Variants in FSTL5 observed in about 807,000 individuals in gnomAD.
FSTL5 encodes the protein follistatin-related protein 5.
A neutral mutation model predicts 89.1 loss-of-function variants in FSTL5; 62 were observed. The ratio of observed to expected loss-of-function variants is 0.70; its 90% CI spans 0.57 to 0.86. The LOEUF is 0.86. FSTL5 is among the 40% of genes least tolerant of loss of function. The pLI, the probability that FSTL5 is intolerant of heterozygous loss-of-function variation, is 0.00. For missense variants in FSTL5, 1,057 were observed against 1,001.6 expected, an observed-to-expected ratio of 1.06 and a Z score of -0.75; for synonymous variants, 383 against 346.2, an observed-to-expected ratio of 1.11 and a Z score of -1.18.
chr4:161,712,513 G>A (rs920011606), intron 6 of FSTL5, among the ~76,000 whole-genome samples: 1 of 152,204 alleles, frequency 6.6e-6, no homozygotes, highest in Admixed American at 6.5e-5. Flanking sequence ...GGGTTTAAAT[G>A]ACAAAATCAG....
chr4:161,625,705 G>T (rs1735293847), intron 7 of FSTL5, among the ~76,000 whole-genome samples: 1 of 152,044 alleles, frequency 6.6e-6, no homozygotes, highest in African/African-American at 2.4e-5. Context: ...AAGTGGGAGA[G>T]GCATGTTGAA....
At chr4:161,488,616 T>C (rs1390599542) in intron 12 of FSTL5, among the ~76,000 whole-genome samples, 1 of 152,088 alleles carries the variant, frequency 6.6e-6, no homozygotes, top group Non-Finnish European at 1.5e-5. Context: ...GTTAACTCAT[T>C]GGTAAATTGG....
chr4:162,139,295 T>C (rs1263250046), intron 1 of FSTL5, among the ~76,000 whole-genome samples: 1 of 152,110 alleles, frequency 6.6e-6, no homozygotes, highest in Non-Finnish European at 1.5e-5. Context: ...TATGGCCACA[T>C]ATACCTTAAT....
intron 4 of FSTL5, among the ~76,000 whole-genome samples, chr4:161,818,630 C>T (rs1560863166): frequency 6.6e-6 from 1 of 152,162 alleles, no homozygotes; most frequent in Non-Finnish European, 1.5e-5. Context: ...TGAGCCACAC[C>T]CCCATTGCAC....
chr4:161,649,552 A>AT (rs1736265129), intron 7 of FSTL5, among the ~76,000 whole-genome samples: 2 of 152,234 alleles, frequency 1.3e-5, no homozygotes, highest in African/African-American at 4.8e-5. Context: ...GTTAAATTTG[A>AT]AATACAATAG....
At chr4:161,844,359 G>A (rs1329941214) in intron 4 of FSTL5, among the ~76,000 whole-genome samples, 1 of 152,152 alleles carries the variant, frequency 6.6e-6, no homozygotes, top group Non-Finnish European at 1.5e-5. Flanking sequence ...TTCAACCATT[G>A]TGGAAGACCG....
chr4:161,414,043 C>A (rs1185868738), intron 15 of FSTL5, among the ~76,000 whole-genome samples: 1 of 151,968 alleles, frequency 6.6e-6, no homozygotes, highest in African/African-American at 2.4e-5. Context: ...ATATCTGCTG[C>A]AGATATGCCC....
At chr4:162,158,209 G>A (rs1733558591) in intron 1 of FSTL5, among the ~76,000 whole-genome samples, 2 of 151,936 alleles carry the variant, frequency 1.3e-5, no homozygotes, top group South Asian at 4.1e-4. Flanking sequence ...GGACTTTTAA[G>A]GGAAAAAGAA....
chr4:162,066,973 G>C (rs977932354), intron 2 of FSTL5, among the ~76,000 whole-genome samples: 1 of 151,262 alleles, frequency 6.6e-6, no homozygotes, highest in Non-Finnish European at 1.5e-5. Flanking sequence ...GGGTCAAATG[G>C]TATTAGTTCT....
At chr4:161,813,212 G>A (rs1259790633) in intron 4 of FSTL5, among the ~76,000 whole-genome samples, 1 of 151,946 alleles carries the variant, frequency 6.6e-6, no homozygotes, top group Non-Finnish European at 1.5e-5. Context: ...TGTATTTTTA[G>A]TACAGACGGG....
intron 4 of FSTL5, among the ~76,000 whole-genome samples, chr4:161,813,423 AT>A (rs1394763022): frequency 6.6e-6 from 1 of 152,042 alleles, no homozygotes; most frequent in Non-Finnish European, 1.5e-5. Flanking sequence ...AATAAAAAAA[AT>A]TTGGGGGGCG....
intron 5 of FSTL5, among the ~76,000 whole-genome samples, chr4:161,761,400 G>A (rs1031865433): frequency 2.0e-5 from 3 of 152,070 alleles, no homozygotes; most frequent in African/African-American, 4.8e-5. Context: ...CGATTCTACC[G>A]CCCTATGCAC....
intron 15 of FSTL5, among the ~76,000 whole-genome samples, chr4:161,429,239 C>T (rs529174261): frequency 5.9e-5 from 9 of 152,216 alleles, no homozygotes; most frequent in African/African-American, 2.2e-4. Flanking sequence ...CCATGCTAGA[C>T]CCTGGCTCTC....
chr4:161,709,826 A>C (rs1253660282), intron 6 of FSTL5, among the ~76,000 whole-genome samples: 1 of 152,166 alleles, frequency 6.6e-6, no homozygotes, highest in Non-Finnish European at 1.5e-5. Context: ...AGGTTTAAAA[A>C]TTGGAATTCT....
intron 1 of FSTL5, among the ~76,000 whole-genome samples, chr4:162,159,700 T>C (rs1386815133): frequency 6.6e-6 from 1 of 152,030 alleles, no homozygotes; most frequent in Non-Finnish European, 1.5e-5. Flanking sequence ...GGAAGTAAAC[T>C]TGATGTTTTA....
intron 6 of FSTL5, among the ~76,000 whole-genome samples, chr4:161,665,272 C>A (rs997481075): frequency 6.6e-6 from 1 of 152,196 alleles, no homozygotes; most frequent in African/African-American, 2.4e-5. Flanking sequence ...GACAGAGTCT[C>A]ACTCCTTCAC....
intron 4 of FSTL5, among the ~76,000 whole-genome samples, chr4:161,820,251 T>C (rs1730450793): frequency 6.6e-6 from 1 of 152,170 alleles, no homozygotes; most frequent in Non-Finnish European, 1.5e-5. Context: ...ATGTGTTCCA[T>C]ATTTTCCACT....
intron 4 of FSTL5, among the ~76,000 whole-genome samples, chr4:161,827,338 G>A (rs1345896607): frequency 6.6e-6 from 1 of 152,256 alleles, no homozygotes; most frequent in Non-Finnish European, 1.5e-5. Flanking sequence ...AACAGCATCT[G>A]CTCTGGTGGA....
intron 3 of FSTL5, among the ~76,000 whole-genome samples, chr4:161,932,856 G>T (rs1734328947): frequency 6.6e-6 from 1 of 151,844 alleles, no homozygotes; most frequent in African/African-American, 2.4e-5. Flanking sequence ...TAATGTTATT[G>T]GTTAGCTGAA....
Sources: gnomAD v4.1 joint callset for allele counts (sites outside exome capture counted in the v4.1 genomes callset) on GRCh38, gnomAD v4.1.1 for gene constraint, MANE v1.5 for transcripts, NCBI Gene and HGNC (gene_info 2026-07-23, HGNC 2026-07-21) for gene names.